The following CDH13 variants were observed in gnomAD, a reference collection of about 807,000 sequenced individuals.
CDH13 encodes the protein cadherin-13.
A neutral mutation model predicts 63.8 loss-of-function variants in CDH13; 24 were observed. That is an observed-to-expected ratio of 0.38 (90% CI 0.27 to 0.53). The LOEUF is 0.53. Ranked by LOEUF, CDH13 falls within the 20% of genes least tolerant of loss-of-function variation. The probability of loss-of-function intolerance (pLI) is 0.85; values close to 1 mark genes in which losing one functional copy is unlikely to be tolerated. For synonymous variants in CDH13, 503 were observed against 355.3 expected (o/e 1.42, Z -4.67); for missense variants, 1,049 against 903.1 (o/e 1.16, Z -2.07).
At chr16:83,225,383 CTTTT>C (rs1421005363) in intron 5 of CDH13, among the ~76,000 whole-genome samples, 1 of 152,210 alleles carries the variant, frequency 6.6e-6, no homozygotes, top group East Asian at 1.9e-4. Flanking sequence ...AAACTGCTTT[CTTTT>C]TGTTTCATTA....
chr16:83,124,803 T>A (rs1212123663), intron 3 of CDH13, among the ~76,000 whole-genome samples: 1 of 152,170 alleles, frequency 6.6e-6, no homozygotes, highest in Non-Finnish European at 1.5e-5. Flanking sequence ...TATCATATAT[T>A]TTTGCCGACT....
chr16:82,987,657 A>G (rs544283558), intron 2 of CDH13, among the ~76,000 whole-genome samples: 6 of 152,286 alleles, frequency 3.9e-5, no homozygotes, highest in African/African-American at 1.2e-4. Context: ...GATTACAGGC[A>G]TGAGCCACTG....
At position 83,329,400 on chromosome 16, in the gene CDH13, A is replaced by AT. The variant is rs202092421; in HGVS notation, c.637-15446dup. On this transcript the variant is annotated intron_variant, in intron 5 of 13. Transcript: ENST00000567109. ...GCCACCACACATGGCTAATTTTTGT[A>AT]TTTTTTTTTTTTTTTTAGTAGAGAT... Among the ~76,000 whole-genome samples the AT allele has an allele frequency of 3.7e-3, 510 of 139,442 alleles. 5 individuals carry two copies. Among genetic ancestry groups the AT allele is most frequent in the East Asian group, 0.018 (86 of 4,720 alleles). The allele number at this position is 139,442 out of a possible 152,430, so 91.5% of individuals were successfully genotyped here.
rs780265627 is a variant in CDH13 at position 83,030,524 on chromosome 16, TC to T, written c.158-1483del. 6.6e-5 allele frequency among the ~76,000 whole-genome samples: 10 copies of T among 150,564 alleles called. 1 individual carries two copies. In the South Asian group the frequency reaches 2.1e-3, roughly 32 times the overall value. The stretch of plus-strand genomic sequence containing the variant: ...CAGGCATGATGGCATGCATCTGTAA[TC>T]CCAGCTACCCAGGAGGCTGAGACAG... On this transcript the variant is annotated intron_variant, in intron 2 of 13. Coordinates refer to ENST00000567109, the MANE Select transcript of CDH13 (RefSeq NM_001257.5).
chr16:83,306,908 C>A (rs763701955), intron 5 of CDH13, among the ~76,000 whole-genome samples: 1 of 152,150 alleles, frequency 6.6e-6, no homozygotes. Flanking sequence ...GACAATCAGA[C>A]CTATCCGTAA....
At chr16:82,922,672 C>T (rs900657161) in intron 2 of CDH13, among the ~76,000 whole-genome samples, 1 of 152,098 alleles carries the variant, frequency 6.6e-6, no homozygotes, top group African/African-American at 2.4e-5. Context: ...ATGACCCATG[C>T]CTGAAAGTGA....
chr16:83,465,605 G>A (rs1166998859), intron 6 of CDH13, among the ~76,000 whole-genome samples: 1 of 152,208 alleles, frequency 6.6e-6, no homozygotes, highest in Non-Finnish European at 1.5e-5. Context: ...AAGGAAATAG[G>A]AGATGCTTGA....
chr16:83,726,990 C>G (rs1204448563), intron 10 of CDH13, among the ~76,000 whole-genome samples: 1 of 152,144 alleles, frequency 6.6e-6, no homozygotes, highest in Admixed American at 6.5e-5. Context: ...TTGAAGTTAT[C>G]TTTCCCATGT....
intron 1 of CDH13, among the ~76,000 whole-genome samples, chr16:82,663,306 C>G (rs1055781661): frequency 9.9e-5 from 15 of 152,170 alleles, no homozygotes; most frequent in Non-Finnish European, 1.9e-4. Flanking sequence ...CTTGCCTCAG[C>G]CTCTGGAGTA....
chr16:82,893,875 C>T (rs974364153), intron 2 of CDH13, among the ~76,000 whole-genome samples: 1 of 152,158 alleles, frequency 6.6e-6, no homozygotes, highest in Non-Finnish European at 1.5e-5. Context: ...TCCTTCCTTC[C>T]ACTGGTCCAA....
chr16:83,053,520 ACAC>A (rs2030605040), intron 3 of CDH13, among the ~76,000 whole-genome samples: 1 of 152,170 alleles, frequency 6.6e-6, no homozygotes, highest in Admixed American at 6.5e-5. Context: ...ATTGATAAAC[ACAC>A]CAATTGAAAA....
chr16:83,060,440 G>A (rs935913855), intron 3 of CDH13, among the ~76,000 whole-genome samples: 4 of 152,308 alleles, frequency 2.6e-5, no homozygotes, highest in East Asian at 1.9e-4. Flanking sequence ...GAAGAGAACT[G>A]TAGAGTCTTC....
chr16:82,861,384 C>T (rs1169253960), intron 2 of CDH13, among the ~76,000 whole-genome samples: 1 of 152,176 alleles, frequency 6.6e-6, no homozygotes, highest in Non-Finnish European at 1.5e-5. Flanking sequence ...ACACTCTTCA[C>T]TTTTCTTTAA....
At chr16:83,236,299 T>C (rs1424173) in intron 5 of CDH13, among the ~76,000 whole-genome samples, 1 of 152,058 alleles carries the variant, frequency 6.6e-6, no homozygotes, top group Non-Finnish European at 1.5e-5. Flanking sequence ...TTTAAGATAC[T>C]CTGCAAACTA....
chr16:82,908,960 T>C (rs1393771199), intron 2 of CDH13, among the ~76,000 whole-genome samples: 2 of 152,164 alleles, frequency 1.3e-5, no homozygotes. Flanking sequence ...ACACAAGGGT[T>C]CCACGGGGCT....
intron 2 of CDH13, among the ~76,000 whole-genome samples, chr16:82,881,905 C>T (rs2040716441): frequency 6.6e-6 from 1 of 152,162 alleles, no homozygotes; most frequent in South Asian, 2.1e-4. Context: ...GACCCACCAC[C>T]AGCTTCTGTG....
chr16:83,025,836 T>C (rs908734220), intron 2 of CDH13, among the ~76,000 whole-genome samples: 8 of 152,156 alleles, frequency 5.3e-5, no homozygotes, highest in African/African-American at 1.9e-4. Flanking sequence ...GTTTATAATG[T>C]AAGGTCCTGG....
intron 4 of CDH13, among the ~76,000 whole-genome samples, chr16:83,126,112 G>A (rs912295882): frequency 6.6e-6 from 1 of 152,204 alleles, no homozygotes; most frequent in Non-Finnish European, 1.5e-5. Context: ...CAAATTTTGA[G>A]CAGTTTGTAC....
At chr16:82,854,400 CAA>C (rs66969029) in intron 1 of CDH13, among the ~76,000 whole-genome samples, 10 of 112,010 alleles carry the variant, frequency 8.9e-5, no homozygotes, top group African/African-American at 3.5e-4. Flanking sequence ...GGCTCTGTCT[CAA>C]AAAAAAAAAA....
Sources: gnomAD v4.1 joint callset for allele counts (sites outside exome capture counted in the v4.1 genomes callset) on GRCh38, gnomAD v4.1.1 for gene constraint, MANE v1.5 for transcripts, NCBI Gene and HGNC (gene_info 2026-07-23, HGNC 2026-07-21) for gene names.